The following CDH2 variants were observed in gnomAD, a reference collection of about 807,000 sequenced individuals.
CDH2 encodes the protein cadherin 2.
In CDH2, 17 loss-of-function variants were observed where a neutral mutation model predicts 92.0. The ratio of observed to expected loss-of-function variants is 0.18; its 90% CI spans 0.13 to 0.28. The LOEUF (loss-of-function observed/expected upper bound fraction) is 0.28, where lower values mean the gene tolerates loss of function less well. CDH2 is among the 10% of genes least tolerant of loss of function. The pLI, the probability that CDH2 is intolerant of heterozygous loss-of-function variation, is 1.00. For missense variants in CDH2, 862 were observed against 1,133.1 expected, an observed-to-expected ratio of 0.76 and a Z score of 3.44; for synonymous variants, 419 against 415.9, an observed-to-expected ratio of 1.01 and a Z score of -0.09.
At chr18:27,994,559 T>C (rs1332964580) in intron 7 of CDH2, among the ~76,000 whole-genome samples, 4 of 152,234 alleles carry the variant, frequency 2.6e-5, no homozygotes, top group African/African-American at 9.6e-5. Flanking sequence ...TTGGAATCTC[T>C]GTGGAAATTT....
chr18:28,144,090 AC>A (rs539740311), intron 2 of CDH2, among the ~76,000 whole-genome samples: 178 of 151,984 alleles, frequency 1.2e-3, no homozygotes, highest in Non-Finnish European at 1.9e-3. Flanking sequence ...GATGCAGCAA[AC>A]CACCATGGCA....
intron 6 of CDH2, among the ~76,000 whole-genome samples, chr18:27,935,092 T>A (rs753299999): frequency 6.6e-6 from 1 of 152,170 alleles, no homozygotes; most frequent in Non-Finnish European, 1.5e-5. Flanking sequence ...TGTTCCTTTT[T>A]TCCCCCTTGG....
chr18:28,156,813 T>A (rs1023705181), intron 1 of CDH2, among the ~76,000 whole-genome samples: 2 of 151,664 alleles, frequency 1.3e-5, no homozygotes, highest in Non-Finnish European at 2.9e-5. Flanking sequence ...CCTTCCCAGG[T>A]ATAGCATGTC....
intron 14 of CDH2, among the ~76,000 whole-genome samples, chr18:27,974,045 T>C (rs1429310194): frequency 2.6e-5 from 4 of 152,206 alleles, no homozygotes; most frequent in African/African-American, 7.2e-5. Context: ...TTAGAGTCTG[T>C]TACAGCGGCT....
intron 2 of CDH2, among the ~76,000 whole-genome samples, chr18:28,035,584 C>A (rs1056119738): frequency 2.6e-5 from 4 of 151,806 alleles, no homozygotes; most frequent in African/African-American, 9.7e-5. Context: ...CTAAGCTCTG[C>A]GTAGATACAA....
intron 2 of CDH2, among the ~76,000 whole-genome samples, chr18:28,091,999 T>C (rs2015046167): frequency 6.6e-6 from 1 of 151,884 alleles, no homozygotes; most frequent in African/African-American, 2.4e-5. Flanking sequence ...TCTCTTTACG[T>C]GGTCTTTCCT....
At chr18:28,006,089 T>C in intron 5 of CDH2, 96 bp from the exon 6 acceptor site, 1 of 992,582 alleles carries the variant, frequency 1.0e-6, no homozygotes, top group Non-Finnish European at 1.5e-6. Flanking sequence ...AAGAATAAAC[T>C]CACAGCTGAA....
At chr18:28,094,300 A>G (rs1009938968) in intron 2 of CDH2, among the ~76,000 whole-genome samples, 2 of 151,998 alleles carry the variant, frequency 1.3e-5, no homozygotes, top group African/African-American at 4.8e-5. Context: ...CAGCCTGGCC[A>G]TCATGGTGAA....
At chr18:27,985,943 C>G (rs1419773472) in intron 11 of CDH2, among the ~76,000 whole-genome samples, 182 bp from the exon 12 acceptor site, 2 of 152,104 alleles carry the variant, frequency 1.3e-5, no homozygotes, top group South Asian at 4.1e-4. Flanking sequence ...TGCTTCCCTG[C>G]TAGAATGACC....
intron 2 of CDH2, among the ~76,000 whole-genome samples, chr18:28,068,391 TACGC>T (rs2014550683): frequency 6.6e-6 from 1 of 152,062 alleles, no homozygotes; most frequent in Non-Finnish European, 1.5e-5. Context: ...AACTTGTCAG[TACGC>T]ACTGCTGAAG....
rs1029842709 is a variant in CDH2, at chr18:28,005,901, A to G, written c.795T>C (p.Pro265=). Residue 265 remains proline (P), a synonymous_variant, in exon 6 of 16, where the codon CCT becomes CCC. Transcript: ENST00000269141. The stretch of plus-strand genomic sequence containing the variant: ...CATTCCAAACCTGGTGTAAGAACTC[A>G]GGTCTGTTGTCATTCATGTCAATAA... ...INVIDMNDNR[P]EFLHQVWNGT... The G allele has an allele frequency of 6.2e-7, 1 of 1,612,628 alleles. No individual in the cohort carries two copies.
chr18:28,006,020 T>G (rs1457242349), intron 5 of CDH2, 27 bp from the exon 6 acceptor site: 5 of 1,566,948 alleles, frequency 3.2e-6, no homozygotes, highest in Non-Finnish European at 4.4e-6. Context: ...AAAACAACTA[T>G]TTAACAGATT....
At chr18:28,081,914 C>T (rs916310780) in intron 2 of CDH2, among the ~76,000 whole-genome samples, 20 of 152,022 alleles carry the variant, frequency 1.3e-4, no homozygotes, top group Non-Finnish European at 2.4e-4. Context: ...TAACATAAGC[C>T]GGCAAGGAAG....
chr18:28,157,453 G>T (rs1555647500), intron 1 of CDH2, among the ~76,000 whole-genome samples: 1 of 152,150 alleles, frequency 6.6e-6, no homozygotes, highest in Non-Finnish European at 1.5e-5. Flanking sequence ...GATGCTGTTA[G>T]TACCGCCATT....
intron 2 of CDH2, among the ~76,000 whole-genome samples, chr18:28,093,168 A>C (rs2015067205): frequency 6.6e-6 from 1 of 152,184 alleles, no homozygotes; most frequent in South Asian, 2.1e-4. Flanking sequence ...GACTATGTGA[A>C]GCTTTTCTCC....
At chr18:28,048,920 TA>T (rs1415829474) in intron 2 of CDH2, among the ~76,000 whole-genome samples, 1 of 152,052 alleles carries the variant, frequency 6.6e-6, no homozygotes, top group African/African-American at 2.4e-5. Flanking sequence ...AGAAAACTGA[TA>T]ATACCATCTG....
intron 2 of CDH2, among the ~76,000 whole-genome samples, chr18:28,086,668 A>G (rs1244899624): frequency 6.6e-6 from 1 of 150,936 alleles, no homozygotes; most frequent in Non-Finnish European, 1.5e-5. Flanking sequence ...CACACAAGAC[A>G]CACTAGGGGC....
In CDH2 at chr18:27,951,817, C is replaced by T. The variant is rs201185662; in HGVS notation, c.*336G>A. On this transcript the variant is annotated 3_prime_UTR_variant, in exon 16 of 16. Coordinates refer to ENST00000269141, the MANE Select transcript of CDH2 (RefSeq NM_001792.5). ...ATGGTTTAACTTACTGCTCCCACCA[C>T]AAAATATTTTGTCTTTTACTTATCG... is the stretch of plus-strand genomic sequence containing the variant. The T allele has an allele frequency of 4.4e-6, 1 of 225,596 alleles. No individual in the cohort carries two copies. Among genetic ancestry groups the T allele is most frequent in the Non-Finnish European group, 8.9e-6 (1 of 112,072 alleles). The allele number at this position is 225,596 out of a possible 1,614,324, so 14.0% of individuals were successfully genotyped here.
intron 2 of CDH2, among the ~76,000 whole-genome samples, chr18:28,031,993 G>A (rs1378802621): frequency 1.3e-5 from 2 of 152,096 alleles, no homozygotes; most frequent in Non-Finnish European, 2.9e-5. Flanking sequence ...GAGGGGTGTA[G>A]TATAGTACTC....
Sources: allele counts gnomAD v4.1 joint callset (sites outside exome capture counted in the v4.1 genomes callset), GRCh38; gene constraint gnomAD v4.1.1; transcripts MANE v1.5; gene names NCBI Gene and HGNC (gene_info 2026-07-23, HGNC 2026-07-21).